The following GPC5 variants were observed in gnomAD, a reference collection of about 807,000 sequenced individuals.
The protein encoded by GPC5 is glypican 5, also known as glypican-5.
GPC5 carries 47 observed loss-of-function variants against 53.9 expected under a neutral mutation model. The ratio of observed to expected loss-of-function variants is 0.87; its 90% CI spans 0.69 to 1.11. The LOEUF is 1.11. Among genes scored for constraint, GPC5 ranks in the 50% most tolerant of loss-of-function variants. The pLI is 0.00. For missense variants in GPC5, 748 were observed against 713.1 expected, an observed-to-expected ratio of 1.05 and a Z score of -0.56; for synonymous variants, 286 against 263.3, an observed-to-expected ratio of 1.09 and a Z score of -0.84.
intron 7 of GPC5, among the ~76,000 whole-genome samples, chr13:92,252,328 T>C (rs775932398): frequency 5.3e-5 from 8 of 152,154 alleles, no homozygotes; most frequent in Non-Finnish European, 1.0e-4. Flanking sequence ...TATAGATAAC[T>C]CATTTACTAA....
At chr13:91,671,779 G>GCAAAAAAAAAAAAAAAAACAAAAAAAA (rs2035249548) in intron 2 of GPC5, among the ~76,000 whole-genome samples, 1 of 25,036 alleles carries the variant, frequency 4.0e-5, no homozygotes, top group Non-Finnish European at 7.0e-5. Context: ...ACAATCTGAA[G>GCAAAAAAAAAAAAAAAAACAAAAAAAA]CAAAAAAAAA....
chr13:92,731,681 C>T (rs1040958315), intron 7 of GPC5, among the ~76,000 whole-genome samples: 5 of 151,314 alleles, frequency 3.3e-5, no homozygotes, highest in Admixed American at 1.3e-4. Context: ...AAACAAATTA[C>T]TTCTAAAGGA....
intron 7 of GPC5, among the ~76,000 whole-genome samples, chr13:92,667,672 C>T (rs1886620715): frequency 6.6e-6 from 1 of 152,056 alleles, no homozygotes; most frequent in South Asian, 2.1e-4. Context: ...TGCTCTAAAA[C>T]TTCTGCCATT....
chr13:91,860,909 T>G (rs2039020797), intron 5 of GPC5, among the ~76,000 whole-genome samples: 1 of 152,222 alleles, frequency 6.6e-6, no homozygotes, highest in Non-Finnish European at 1.5e-5. Flanking sequence ...GTGCAGATGT[T>G]TATTCAATAT....
chr13:92,368,092 C>T (rs1211114069), intron 7 of GPC5, among the ~76,000 whole-genome samples: 1 of 152,072 alleles, frequency 6.6e-6, no homozygotes, highest in Non-Finnish European at 1.5e-5. Flanking sequence ...TGAAGCGATT[C>T]TTCTGCCTCA....
chr13:92,804,499 T>C (rs1472592725), intron 7 of GPC5, among the ~76,000 whole-genome samples: 1 of 152,016 alleles, frequency 6.6e-6, no homozygotes, highest in Non-Finnish European at 1.5e-5. Context: ...TAAAAAACAA[T>C]GCATACACTT....
intron 7 of GPC5, among the ~76,000 whole-genome samples, chr13:92,514,217 C>G (rs1354296192): frequency 7.4e-6 from 1 of 134,728 alleles, no homozygotes; most frequent in African/African-American, 2.8e-5. Flanking sequence ...GTAAAACACA[C>G]ACTATTTTAA....
chr13:91,991,795 C>T (rs1319523917), intron 6 of GPC5, among the ~76,000 whole-genome samples: 1 of 152,144 alleles, frequency 6.6e-6, no homozygotes, highest in Non-Finnish European at 1.5e-5. Context: ...TGCTCTGTGA[C>T]TGGAACACAG....
At chr13:91,714,200 CTT>C (rs781442684) in intron 3 of GPC5, among the ~76,000 whole-genome samples, 1 of 152,178 alleles carries the variant, frequency 6.6e-6, no homozygotes, top group Non-Finnish European at 1.5e-5. Flanking sequence ...ATTTTATAGA[CTT>C]TAACCCAACA....
intron 2 of GPC5, among the ~76,000 whole-genome samples, chr13:91,584,059 A>G (rs1265770667): frequency 1.3e-5 from 2 of 152,118 alleles, no homozygotes. Context: ...CCTTGTAAGA[A>G]GTGGAAATTG....
chr13:92,845,960 A>G (rs1025685601), intron 7 of GPC5, among the ~76,000 whole-genome samples: 3 of 152,158 alleles, frequency 2.0e-5, no homozygotes, highest in Admixed American at 1.3e-4. Context: ...TTTTCCATTT[A>G]AAATGGCTCT....
chr13:92,837,835 G>A (rs1363295528), intron 7 of GPC5, among the ~76,000 whole-genome samples: 2 of 152,150 alleles, frequency 1.3e-5, no homozygotes, highest in Admixed American at 1.3e-4. Context: ...GCTCATGCCT[G>A]TAATCCCAGC....
chr13:91,639,856 G>C (rs1475757941), intron 2 of GPC5, among the ~76,000 whole-genome samples: 1 of 152,110 alleles, frequency 6.6e-6, no homozygotes, highest in Non-Finnish European at 1.5e-5. Flanking sequence ...AGGCTTTATT[G>C]TCTTCATTTT....
At chr13:91,746,348 A>G (rs80043986) in intron 4 of GPC5, among the ~76,000 whole-genome samples, 5 of 152,212 alleles carry the variant, frequency 3.3e-5, no homozygotes, top group Admixed American at 1.3e-4. Flanking sequence ...GTAAAAAAAA[A>G]TCAATATATG....
chr13:91,678,606 A>C (rs1324516476), intron 2 of GPC5, among the ~76,000 whole-genome samples: 1 of 152,210 alleles, frequency 6.6e-6, no homozygotes, highest in Non-Finnish European at 1.5e-5. Flanking sequence ...AGAGGGTACA[A>C]GTTAATGACA....
chr13:91,539,051 A>AT (rs1400609951), intron 2 of GPC5, among the ~76,000 whole-genome samples: 2 of 152,140 alleles, frequency 1.3e-5, no homozygotes, highest in Non-Finnish European at 2.9e-5. Context: ...AGTCTCTTGC[A>AT]TTTTTTATTT....
chr13:92,504,908 T>C (rs543374227), intron 7 of GPC5, among the ~76,000 whole-genome samples: 22 of 151,816 alleles, frequency 1.4e-4, no homozygotes, highest in African/African-American at 4.6e-4. Context: ...AAACCTTCAT[T>C]CCCAGGGAGT....
chr13:91,649,878 G>T (rs776432013), intron 2 of GPC5, among the ~76,000 whole-genome samples: 12 of 152,014 alleles, frequency 7.9e-5, no homozygotes, highest in Non-Finnish European at 1.8e-4. Context: ...TTAATTTATT[G>T]CTACTGATTA....
intron 2 of GPC5, among the ~76,000 whole-genome samples, chr13:91,659,280 A>C (rs1566588281): frequency 1.3e-5 from 2 of 152,214 alleles, no homozygotes; most frequent in South Asian, 4.1e-4. Flanking sequence ...GCCAATAGGG[A>C]GCTTGGTGAG....
Sources: allele counts gnomAD v4.1 joint callset (sites outside exome capture counted in the v4.1 genomes callset), GRCh38; gene constraint gnomAD v4.1.1; transcripts MANE v1.5; gene names NCBI Gene and HGNC (gene_info 2026-07-23, HGNC 2026-07-21).